The following ACD variants were observed in gnomAD, a reference collection of about 807,000 sequenced individuals.
ACD encodes the protein adrenocortical dysplasia protein homolog.
A neutral mutation model predicts 53.9 loss-of-function variants in ACD; 39 were observed. The observed-to-expected ratio is 0.72, with a 90% CI of 0.56 to 0.95. The LOEUF (loss-of-function observed/expected upper bound fraction) is 0.95. Among genes scored for constraint, ACD ranks in the 40% least tolerant of loss-of-function variants. The pLI, the probability that ACD is intolerant of heterozygous loss-of-function variation, is 0.00. For missense variants in ACD, 526 were observed against 587.9 expected (o/e 0.89, Z 1.09); for synonymous variants, 273 against 249.2 (o/e 1.10, Z -0.90).
At chr16:67,658,464 A>C (rs1597769603) in intron 9 of ACD, 91 bp downstream of exon 9, 1 of 1,595,782 alleles carries the variant, frequency 6.3e-7, no homozygotes, top group East Asian at 2.2e-5. Context: ...TTCATCCCCC[A>C]CCCACCGTGC....
intron 4 of ACD, 46 bp downstream of exon 4, chr16:67,659,491 C>G (rs2052955139): frequency 1.9e-6 from 3 of 1,613,614 alleles, no homozygotes; most frequent in Non-Finnish European, 2.5e-6. Context: ...CAGCGCCGGC[C>G]AGGCTGGGGT....
At chr16:67,659,151 T>C (rs772587736) in intron 6 of ACD, 72 bp from the exon 7 acceptor site, 1 of 1,609,194 alleles carries the variant, frequency 6.2e-7, no homozygotes, top group Non-Finnish European at 8.5e-7. Context: ...GGAAGACAGC[T>C]TATTGAGGAA....
Position 67,658,628 on chromosome 16 carries a change from G to A in ACD, c.756C>T (p.Pro252=). 6.3e-7 allele frequency: 1 copy of A among 1,577,240 alleles called. No individual in the cohort carries two copies. Among genetic ancestry groups the A allele is most frequent in the Non-Finnish European group, 8.6e-7 (1 of 1,160,398 alleles). Residue 252 remains proline (P), a synonymous_variant, in exon 9 of 12, where the codon CCC becomes CCT. Coordinates refer to ENST00000620761, the MANE Select transcript of ACD (RefSeq NM_001082486.2). ...PCQRTQGPEL[P]PPDPALQDLS... ...GGTCCTGCAGAGCCGGGTCTGGTGG[G>A]GGCAGCTCAGGGCCTGGGGGGTTCA...
In ACD at chr16:67,658,227, G is replaced by A. The variant is rs2142968307; in HGVS notation, c.965C>T (p.Ala322Val). 11 of 1,613,388 alleles carry A rather than the reference G, an allele frequency of 6.8e-6. No homozygotes were observed. The highest frequency in any genetic ancestry group is 9.3e-6 in the Non-Finnish European group (11 of 1,179,992). ...GGACCTGGGGGTCAGGGTGGCAGGG[G>A]CTGAGCAGATGGCTGGTGAGGGCTG... ...SSQPSPAICS[A>V]PATLTPRSPH... The change falls in exon 10 of 12, where the codon GCC becomes GTC. Residue 322 changes from alanine (A) to valine (V), a missense_variant. Coordinates refer to ENST00000620761, the MANE Select transcript of ACD (RefSeq NM_001082486.2).
Position 67,658,347 on chromosome 16 carries a change from G to A in ACD, c.845C>T (p.Pro282Leu), listed in dbSNP as rs1313740709. 1.2e-6 allele frequency: 2 copies of A among 1,613,620 alleles called. No homozygotes were observed. Among genetic ancestry groups the A allele is most frequent in the East Asian group, 2.2e-5 (1 of 44,900 alleles). ...ACTTTCCTCGGATGACATGTGGCCGGGTAAGGCCGGGGTTCCTGAGGAGGA... is the reference window on the plus strand; with the variant it reads ...ACTTTCCTCGGATGACATGTGGCCGAGTAAGGCCGGGGTTCCTGAGGAGGA... ...SPSSSGTPAL[P>L]GHMSSEESGT... is the part of the protein sequence containing the mutation. The change falls in exon 10 of 12, where the codon CCC becomes CTC. Residue 282 changes from proline to leucine, a missense_variant. Coordinates refer to ENST00000620761, the MANE Select transcript of ACD (RefSeq NM_001082486.2).
At position 67,659,424 on chromosome 16, in the gene ACD, G is replaced by T. The variant is rs372700670; in HGVS notation, c.414-5C>A. On this transcript the variant is annotated splice_region_variant and splice_polypyrimidine_tract_variant and intron_variant, in intron 4 of 11. Transcript: ENST00000620761. Reference sequence around the variant, plus strand: ...TGAACATCTAAGTCTTGGTTGCTAAGAAAAAGAGAAGGGTAGTTAATGGGG... The same window carrying T: ...TGAACATCTAAGTCTTGGTTGCTAATAAAAAGAGAAGGGTAGTTAATGGGG... 19 of 1,613,948 alleles carry T rather than the reference G, an allele frequency of 1.2e-5. No individual in the cohort carries two copies. Among genetic ancestry groups the T allele is most frequent in the Middle Eastern group, 3.3e-4 (2 of 6,084 alleles).
chr16:67,659,749 G>A lies in ACD; in HGVS notation c.289C>T (p.Leu97=). 3 of 1,612,920 alleles carry A rather than the reference G, an allele frequency of 1.9e-6. No individual in the cohort carries two copies. Among genetic ancestry groups the A allele is most frequent in the Non-Finnish European group, 2.5e-6 (3 of 1,179,676 alleles). ...ACATGAACCCCGCAGTCCTGCAGCAGCAGCAGCCGGCCCTCTGTCCCGCGG... is the reference window on the plus strand; with the variant it reads ...ACATGAACCCCGCAGTCCTGCAGCAACAGCAGCCGGCCCTCTGTCCCGCGG... ...GFRGTEGRLL[L]LQDCGVHVQV... is the part of the protein sequence containing the mutation. The change falls in exon 3 of 12, where the codon CTG becomes TTG. Residue 97 remains leucine, a synonymous_variant. Coordinates refer to ENST00000620761, the MANE Select transcript of ACD (RefSeq NM_001082486.2).
rs368387402 is a variant in ACD at position 67,659,970 on chromosome 16, G to A, written c.175C>T (p.Leu59Phe). 13 of 1,608,832 alleles carry A rather than the reference G, an allele frequency of 8.1e-6. No individual in the cohort carries two copies. The highest frequency in any genetic ancestry group is 1.1e-5 in the Non-Finnish European group (13 of 1,179,104). The change falls in exon 2 of 12, where the codon CTT becomes TTT. Residue 59 changes from leucine (L) to phenylalanine (F), a missense_variant. Coordinates refer to ENST00000620761, the MANE Select transcript of ACD (RefSeq NM_001082486.2). ...PDTSDVGATL[L>F]VSDGTHSVRC... is the part of the protein sequence containing the mutation. ...ACACTGTGGGTCCCGTCAGACACAAGCAGCGTGGCCCCGACGTCGGACGTA... is the reference window on the plus strand; with the variant it reads ...ACACTGTGGGTCCCGTCAGACACAAACAGCGTGGCCCCGACGTCGGACGTA...
Position 67,658,298 on chromosome 16 carries a change from AGGCAGAAG to A in ACD, c.886_893del (p.Leu296CysfsTer54). On this transcript the variant is annotated frameshift_variant, in exon 10 of 12. Coordinates refer to ENST00000620761, the MANE Select transcript of ACD (RefSeq NM_001082486.2). LOFTEE classifies it high-confidence loss of function. ...GGTCTGGAGCAGCCAAGGACAGGGC[AGGCAGAAG>A]GCTGATGCTGGTACCACTTTCCTCG... is the stretch of plus-strand genomic sequence containing the variant. 1 of 1,613,894 alleles carries A rather than the reference AGGCAGAAG, an allele frequency of 6.2e-7. No individual in the cohort carries two copies. The highest frequency in any genetic ancestry group is 8.5e-7 in the Non-Finnish European group (1 of 1,180,016).
rs762184098 is a variant in ACD at position 67,660,256 on chromosome 16, G to A, written c.-36C>T. 6.2e-6 allele frequency: 10 copies of A among 1,612,374 alleles called. No homozygotes were observed. Among genetic ancestry groups the A allele is most frequent in the South Asian group, 1.1e-5 (1 of 91,072 alleles). ...ACACCCAGCGGATGCAACGGGCCCG[G>A]GTTTCCCGCGGGCGCCCAGGCCCCG... On this transcript the variant is annotated 5_prime_UTR_variant, in exon 1 of 12. Coordinates refer to ENST00000620761, the MANE Select transcript of ACD (RefSeq NM_001082486.2).
Position 67,658,206 on chromosome 16 carries a change from C to T in ACD, c.986G>A (p.Arg329Lys). Residue 329 changes from arginine to lysine, a missense_variant, in exon 10 of 12, where the codon AGG (arginine) becomes AAG (lysine). Arg to Lys is a conservative substitution (Grantham distance 26). Coordinates refer to ENST00000620761, the MANE Select transcript of ACD (RefSeq NM_001082486.2). ...ICSAPATLTP[R>K]SPHASRTPSS... ...GGGGGTACGGCTGGCGTGTGGGGAC[C>T]TGGGGGTCAGGGTGGCAGGGGCTGA... is the stretch of plus-strand genomic sequence containing the variant. 2.5e-6 allele frequency: 4 copies of T among 1,613,016 alleles called. No homozygotes were observed. Among genetic ancestry groups the T allele is most frequent in the Non-Finnish European group, 3.4e-6 (4 of 1,179,754 alleles).
At chr16:67,659,164 A>C (rs1371945572) in intron 6 of ACD, 65 bp downstream of exon 6, 2 of 1,610,412 alleles carry the variant, frequency 1.2e-6, no homozygotes, top group African/African-American at 2.7e-5. Flanking sequence ...TTGAGGAAGC[A>C]TAAGGTTAAG....
chr16:67,659,630 G>T lies in ACD; in HGVS notation c.337-17C>A, dbSNP rs1186068061. The T allele has an allele frequency of 6.2e-7, 1 of 1,613,178 alleles. No individual in the cohort carries two copies. The highest frequency in any genetic ancestry group is 1.1e-5 in the South Asian group (1 of 91,080). ...CTCTGCGGGCTGGAGGAGTTCGGGG[G>T]GAAGGGGGGGTCTCAGAATCGTCAC... On this transcript the variant is annotated splice_polypyrimidine_tract_variant and intron_variant, in intron 3 of 11. Coordinates refer to ENST00000620761, the MANE Select transcript of ACD (RefSeq NM_001082486.2).
Position 67,660,111 on chromosome 16 carries a change from TG to T in ACD, c.99+10del. ...TCCGCCTCGGTCTCCGGGCCCTGAA[TG>T]GGGGCTCACCTCAAGCAGCTGCCCG... On this transcript the variant is annotated intron_variant, in intron 1 of 11. Transcript: ENST00000620761. The T allele has an allele frequency of 6.2e-7, 1 of 1,612,356 alleles. No homozygotes were observed. Among genetic ancestry groups the T allele is most frequent in the Non-Finnish European group, 8.5e-7 (1 of 1,179,830 alleles).
chr16:67,658,313 G>A lies in ACD; in HGVS notation c.879C>T (p.Ser293=), dbSNP rs369069351. ...AGGACAGGGCAGGCAGAAGGCTGAT[G>A]CTGGTACCACTTTCCTCGGATGACA... The part of the protein sequence containing the change: ...GHMSSEESGT[S]ISLLPALSLA... The change falls in exon 10 of 12, where the codon AGC becomes AGT. Residue 293 remains serine (S), a synonymous_variant. Coordinates refer to ENST00000620761, the MANE Select transcript of ACD (RefSeq NM_001082486.2). 39 of 1,613,884 alleles carry A rather than the reference G, an allele frequency of 2.4e-5. No homozygotes were observed. In the African/African-American group the frequency reaches 4.0e-4, roughly 17 times the overall value.
rs1196364252 is a variant in ACD at position 67,657,598 on chromosome 16, G to A, written c.*8C>T. On this transcript the variant is annotated 3_prime_UTR_variant, in exon 12 of 12. Transcript: ENST00000620761. The surrounding 1 kb of genome is among the most constrained non-coding windows in gnomAD (Gnocchi z 4.5). Reference sequence around the variant, plus strand: ...GAGTGTGGAGCGGTATCTGTCCTGCGTGACGTCTCACATCGGAGTTGGCTC... The same window carrying A: ...GAGTGTGGAGCGGTATCTGTCCTGCATGACGTCTCACATCGGAGTTGGCTC... The A allele has an allele frequency of 5.0e-6, 8 of 1,614,050 alleles. No homozygotes were observed. The highest frequency in any genetic ancestry group is 1.3e-5 in the African/African-American group (1 of 74,930).
rs1277350671 is a variant in ACD, at chr16:67,659,788, TCTC to T, written c.247_249del (p.Glu83del). Reference sequence around the variant, plus strand: ...TCTGTCCCGCGGAAGCCGAACTCCTTCTCCTCCCTGCAACAAGCAGGATCCTCA... The same window carrying T: ...TCTGTCCCGCGGAAGCCGAACTCCTTCTCCCTGCAACAAGCAGGATCCTCA... On this transcript the variant is annotated inframe_deletion, in exon 3 of 12. Transcript: ENST00000620761. 6.2e-7 allele frequency: 1 copy of T among 1,606,620 alleles called. No homozygotes were observed. The highest frequency in any genetic ancestry group is 8.5e-7 in the Non-Finnish European group (1 of 1,174,818).
In ACD at chr16:67,659,942, C is replaced by T; in HGVS notation, c.203G>A (p.Arg68Gln). 6.2e-7 allele frequency: 1 copy of T among 1,606,786 alleles called. No homozygotes were observed. The highest frequency in any genetic ancestry group is 8.5e-7 in the Non-Finnish European group (1 of 1,177,864). Reference sequence around the variant, plus strand: ...CAGGGCCTCCCGCGTCACCAGGCATCGGACACTGTGGGTCCCGTCAGACAC... The same window carrying T: ...CAGGGCCTCCCGCGTCACCAGGCATTGGACACTGTGGGTCCCGTCAGACAC... The part of the protein sequence containing the change: ...LLVSDGTHSV[R>Q]CLVTREALDT... The change falls in exon 2 of 12, where the codon CGA (arginine) becomes CAA (glutamine). Residue 68 changes from arginine (R) to glutamine (Q), a missense_variant. Physicochemically the swap from Arg to Gln is conservative, Grantham distance 43 (BLOSUM62 1). Coordinates refer to ENST00000620761, the MANE Select transcript of ACD (RefSeq NM_001082486.2).
Position 67,658,257 on chromosome 16 carries a change from C to G in ACD, c.935G>C (p.Ser312Thr). 1.2e-6 allele frequency: 2 copies of G among 1,613,598 alleles called. No individual in the cohort carries two copies. Among genetic ancestry groups the G allele is most frequent in the Non-Finnish European group, 1.7e-6 (2 of 1,179,988 alleles). The change falls in exon 10 of 12, where the codon AGC becomes ACC. Residue 312 changes from serine (S) to threonine (T), a missense_variant. Transcript: ENST00000620761. Reference protein sequence around the residue: ...LAAPDPGQRSSSQPSPAICSA... With the variant: ...LAAPDPGQRSTSQPSPAICSA... The stretch of plus-strand genomic sequence containing the variant: ...GCAGATGGCTGGTGAGGGCTGGGAG[C>G]TGCTTCTCTGCCCTGGGTCTGGAGC...
Sources: allele counts gnomAD v4.1 joint callset, GRCh38; gene constraint gnomAD v4.1.1; non-coding constraint Gnocchi (gnomAD v3.1); transcripts MANE v1.5; gene names NCBI Gene and HGNC (gene_info 2026-07-23, HGNC 2026-07-21).